NRF1: variants seen among roughly 807,000 people sequenced by gnomAD.
NRF1 encodes alpha palindromic-binding protein.
In NRF1, 5 loss-of-function variants were observed where a neutral mutation model predicts 58.5. The observed-to-expected ratio is 0.09, with a 90% confidence interval of 0.04 to 0.18. The LOEUF (loss-of-function observed/expected upper bound fraction) is 0.18. Among genes scored for constraint, NRF1 ranks in the 10% least tolerant of loss-of-function variants. The probability of loss-of-function intolerance (pLI) is 1.00; values close to 1 mark genes in which losing one functional copy is unlikely to be tolerated. For missense variants in NRF1, 288 were observed against 657.7 expected, an observed-to-expected ratio of 0.44 and a Z score of 6.15; for synonymous variants, 224 against 246.7, an observed-to-expected ratio of 0.91 and a Z score of 0.86.
Position 129,755,210 on chromosome 7 carries a change from T to C in NRF1, c.*29T>C. The C allele has an allele frequency of 6.5e-7, 1 of 1,527,894 alleles. No individual in the cohort carries two copies. The highest frequency in any genetic ancestry group is 8.8e-7 in the Non-Finnish European group (1 of 1,135,094). The allele number at this position is 1,527,894 out of a possible 1,614,324, so 94.6% of individuals were successfully genotyped here. A position where few individuals can be genotyped will look rare whatever the true frequency, so the allele number is the denominator to read the frequency against. On this transcript the variant is annotated 3_prime_UTR_variant, in exon 11 of 11. Coordinates refer to ENST00000393232, the MANE Select transcript of NRF1 (RefSeq NM_005011.5). This position sits in a 1 kb window ranked among gnomAD's most constrained non-coding sequence, Gnocchi z 5.8. ...ACAGCCATATTATGGCATCGTTTTC[T>C]AGTCTACTTCAAAATTTTTTACACG...
At chr7:129,618,203 G>A (rs540519908) in intron 1 of NRF1, among the ~76,000 whole-genome samples, 153 of 151,948 alleles carry the variant, frequency 1.0e-3, no homozygotes, top group African/African-American at 3.4e-3. Flanking sequence ...TGGTTATTGG[G>A]TGATGATGAT....
intron 1 of NRF1, among the ~76,000 whole-genome samples, chr7:129,632,885 A>G (rs777653806): frequency 3.3e-4 from 50 of 152,326 alleles, no homozygotes; most frequent in Middle Eastern, 3.4e-3. Context: ...CAGAGATACT[A>G]CAGTCAATAT....
chr7:129,724,094 T>G (rs1415362490), intron 9 of NRF1, among the ~76,000 whole-genome samples: 1 of 151,966 alleles, frequency 6.6e-6, no homozygotes, highest in Non-Finnish European at 1.5e-5. Context: ...AGACTATCAG[T>G]AGAGGAAAAA....
At chr7:129,674,272 G>T (rs1802124449) in intron 3 of NRF1, among the ~76,000 whole-genome samples, 1 of 152,052 alleles carries the variant, frequency 6.6e-6, no homozygotes, top group East Asian at 1.9e-4. Context: ...CAGAGATATT[G>T]CAGGTTTGGT....
chr7:129,754,928 C>G (rs1804217005), intron 10 of NRF1, 90 bp from the exon 11 acceptor site: 3 of 1,370,084 alleles, frequency 2.2e-6, no homozygotes, highest in Non-Finnish European at 2.9e-6. Flanking sequence ...ACCACGATAC[C>G]TCAAAGGCAA....
intron 4 of NRF1, among the ~76,000 whole-genome samples, chr7:129,681,289 T>C (rs1217987880): frequency 1.3e-5 from 2 of 152,222 alleles, no homozygotes; most frequent in Non-Finnish European, 2.9e-5. Flanking sequence ...ACCTTGACTT[T>C]AGCCAAGTGA....
At chr7:129,723,001 C>T (rs1330123582) in intron 9 of NRF1, among the ~76,000 whole-genome samples, 1 of 152,188 alleles carries the variant, frequency 6.6e-6, no homozygotes, top group African/African-American at 2.4e-5. Flanking sequence ...ACAGCTTTTT[C>T]CAAAGAGTAT....
intron 2 of NRF1, among the ~76,000 whole-genome samples, chr7:129,663,411 A>C (rs1333814929): frequency 7.0e-6 from 1 of 142,910 alleles, no homozygotes; most frequent in Non-Finnish European, 1.5e-5. Flanking sequence ...CACCTCCCAG[A>C]CGGGGTGGCG....
chr7:129,691,364 ATT>A (rs35512508), intron 5 of NRF1, among the ~76,000 whole-genome samples: 1 of 134,164 alleles, frequency 7.5e-6, no homozygotes, highest in African/African-American at 2.8e-5. Context: ...TATTATTATT[ATT>A]TTTTTTTTTT....
intron 1 of NRF1, among the ~76,000 whole-genome samples, chr7:129,619,577 CAG>C (rs1416013962): frequency 1.4e-5 from 2 of 145,420 alleles, no homozygotes; most frequent in Non-Finnish European, 3.0e-5. Flanking sequence ...TTACTAAATT[CAG>C]GGGTAGGTCC....
chr7:129,623,669 T>C (rs982114039), intron 1 of NRF1, among the ~76,000 whole-genome samples: 3 of 152,228 alleles, frequency 2.0e-5, no homozygotes, highest in Admixed American at 6.5e-5. Flanking sequence ...TTTTTATTTT[T>C]TATACAAAAT....
chr7:129,653,923 A>G (rs1801594349), intron 1 of NRF1, among the ~76,000 whole-genome samples: 1 of 152,246 alleles, frequency 6.6e-6, no homozygotes, highest in South Asian at 2.1e-4. Flanking sequence ...TATGAATAAA[A>G]TTATAAACAT....
chr7:129,679,607 C>G (rs538359479), intron 4 of NRF1, among the ~76,000 whole-genome samples: 1 of 151,586 alleles, frequency 6.6e-6, no homozygotes, highest in South Asian at 2.1e-4. Context: ...CCTGTAGTCC[C>G]AGCTACTCGG....
intron 5 of NRF1, among the ~76,000 whole-genome samples, chr7:129,691,361 A>ATTTTTT (rs752895743): frequency 5.5e-5 from 5 of 90,884 alleles, no homozygotes; most frequent in African/African-American, 8.2e-5. Context: ...TATTATTATT[A>ATTTTTT]TTATTTTTTT....
At chr7:129,626,586 A>G (rs1422508692) in intron 1 of NRF1, among the ~76,000 whole-genome samples, 1 of 152,262 alleles carries the variant, frequency 6.6e-6, no homozygotes, top group African/African-American at 2.4e-5. Context: ...TGCGTAGTGC[A>G]TAGTAGGAGC....
At chr7:129,666,718 G>C (rs1036265665) in intron 2 of NRF1, among the ~76,000 whole-genome samples, 4 of 152,126 alleles carry the variant, frequency 2.6e-5, no homozygotes, top group Non-Finnish European at 4.4e-5. Flanking sequence ...TTTTAGTAGA[G>C]ATGGGGTTTA....
At chr7:129,641,406 G>A (rs577660478) in intron 1 of NRF1, among the ~76,000 whole-genome samples, 3 of 152,034 alleles carry the variant, frequency 2.0e-5, no homozygotes, top group Non-Finnish European at 4.4e-5. Flanking sequence ...CCCCCTTCAC[G>A]TCCCTCTTTT....
chr7:129,636,254 A>T (rs1801166746), intron 1 of NRF1, among the ~76,000 whole-genome samples: 1 of 151,954 alleles, frequency 6.6e-6, no homozygotes, highest in Non-Finnish European at 1.5e-5. Context: ...TTTTTTTTCA[A>T]AACAGAGTCT....
intron 5 of NRF1, among the ~76,000 whole-genome samples, chr7:129,696,844 G>A (rs1184364606): frequency 6.6e-6 from 1 of 152,114 alleles, no homozygotes; most frequent in Non-Finnish European, 1.5e-5. Context: ...GAGAAGGTTA[G>A]CATGATTTAT....
Sources: gnomAD v4.1 joint callset for allele counts (sites outside exome capture counted in the v4.1 genomes callset) on GRCh38, gnomAD v4.1.1 for gene constraint, Gnocchi (gnomAD v3.1) non-coding constraint, MANE v1.5 for transcripts, NCBI Gene and HGNC (gene_info 2026-07-23, HGNC 2026-07-21) for gene names.